Variants in CLEC16A observed in about 807,000 individuals in gnomAD.
CLEC16A encodes the protein protein CLEC16A.
CLEC16A carries 51 observed loss-of-function variants against 109.5 expected under a neutral mutation model. That is an observed-to-expected ratio of 0.47 (90% CI 0.37 to 0.59). The LOEUF is 0.59. Among genes scored for constraint, CLEC16A ranks in the 20% least tolerant of loss-of-function variants. The pLI, the probability that CLEC16A is intolerant of heterozygous loss-of-function variation, is 0.00. For synonymous variants in CLEC16A, 673 were observed against 564.2 expected (o/e 1.19, Z -2.73); for missense variants, 1,339 against 1,394.0 (o/e 0.96, Z 0.63).
intron 13 of CLEC16A, among the ~76,000 whole-genome samples, chr16:11,026,075 A>C (rs2046388809): frequency 1.3e-5 from 2 of 152,244 alleles, no homozygotes; most frequent in South Asian, 4.1e-4. Flanking sequence ...ATGTGTGAGC[A>C]AATCATAGAT....
chr16:11,038,555 A>G (rs1048693753), intron 13 of CLEC16A, among the ~76,000 whole-genome samples: 2 of 152,154 alleles, frequency 1.3e-5, no homozygotes, highest in African/African-American at 2.4e-5. Flanking sequence ...CTTTAGGAGA[A>G]ATGACAACAG....
chr16:11,034,648 A>G (rs781580257), intron 13 of CLEC16A, among the ~76,000 whole-genome samples: 10 of 152,132 alleles, frequency 6.6e-5, no homozygotes, highest in Non-Finnish European at 1.2e-4. Context: ...TCTGACCCCT[A>G]AGGCAGGGCT....
At chr16:11,120,530 G>A in intron 19 of CLEC16A, 85 bp from the exon 20 acceptor site, 1 of 1,418,006 alleles carries the variant, frequency 7.1e-7, no homozygotes, top group Non-Finnish European at 9.5e-7. Flanking sequence ...CTCTGCTCCT[G>A]ATAGAATGAG....
chr16:11,140,936 C>T (rs2053796193), intron 22 of CLEC16A, among the ~76,000 whole-genome samples: 1 of 152,212 alleles, frequency 6.6e-6, no homozygotes, highest in South Asian at 2.1e-4. Context: ...ATAGGACCTG[C>T]CTCACACAGC....
At chr16:11,089,777 C>A (rs551043599) in intron 19 of CLEC16A, among the ~76,000 whole-genome samples, 1 of 152,328 alleles carries the variant, frequency 6.6e-6, no homozygotes, top group Non-Finnish European at 1.5e-5. Context: ...GATAGGGCAG[C>A]CTACTGAGGG....
At chr16:11,007,832 G>C (rs1284201420) in intron 11 of CLEC16A, among the ~76,000 whole-genome samples, 1 of 151,978 alleles carries the variant, frequency 6.6e-6, no homozygotes, top group Non-Finnish European at 1.5e-5. Flanking sequence ...GTGTAATGGT[G>C]GGAAGAGAGG....
At chr16:11,018,627 T>C (rs1254347936) in intron 11 of CLEC16A, among the ~76,000 whole-genome samples, 1 of 151,836 alleles carries the variant, frequency 6.6e-6, no homozygotes, top group African/African-American at 2.4e-5. Context: ...CGGGTGCCTG[T>C]AGTCCCAGCT....
At chr16:10,989,319 C>A (rs56216305) in intron 10 of CLEC16A, among the ~76,000 whole-genome samples, 2 of 151,926 alleles carry the variant, frequency 1.3e-5, no homozygotes, top group Non-Finnish European at 2.9e-5. Flanking sequence ...CTCCCCAGGT[C>A]AAACGATCCT....
At chr16:11,003,608 A>C (rs1172300768) in intron 11 of CLEC16A, among the ~76,000 whole-genome samples, 1 of 152,232 alleles carries the variant, frequency 6.6e-6, no homozygotes, top group Non-Finnish European at 1.5e-5. Context: ...GTGTTCATAC[A>C]AGAATTAAAT....
intron 22 of CLEC16A, among the ~76,000 whole-genome samples, chr16:11,155,017 G>A (rs1477804336): frequency 6.6e-6 from 1 of 152,112 alleles, no homozygotes; most frequent in African/African-American, 2.4e-5. Context: ...CAGCTACACG[G>A]GAGGCTGAGG....
intron 13 of CLEC16A, chr16:11,027,752 C>T (rs1346104224): frequency 3.0e-5 from 44 of 1,468,738 alleles, no homozygotes; most frequent in African/African-American, 4.1e-5. Context: ...AGCTCATCCG[C>T]CAGCTGAACT....
At chr16:11,038,459 TAAG>T (rs929948269) in intron 13 of CLEC16A, among the ~76,000 whole-genome samples, 14 of 152,186 alleles carry the variant, frequency 9.2e-5, no homozygotes, top group Non-Finnish European at 1.5e-4. Flanking sequence ...GTTGAGCAGA[TAAG>T]GAGTTTGAAG....
At position 11,122,896 on chromosome 16, in the gene CLEC16A, C is replaced by CTTTTTTTTTTTTT. The variant is rs1002354410; in HGVS notation, c.2269-833_2269-821dup. Reference sequence around the variant, plus strand: ...GCTCAATGACCTTCCCTATCCCTTTCTTTTTTTTTTTTTTTTTTTTTTTTT... The same window carrying CTTTTTTTTTTTTT: ...GCTCAATGACCTTCCCTATCCCTTTCTTTTTTTTTTTTTTTTTTTTTTTTTTTTTTTTTTTTTT... On this transcript the variant is annotated intron_variant, in intron 20 of 23. Coordinates refer to ENST00000409790, the MANE Select transcript of CLEC16A (RefSeq NM_015226.3). Among the ~76,000 whole-genome samples the CTTTTTTTTTTTTT allele has an allele frequency of 1.4e-4, 10 of 73,796 alleles. 1 individual carries two copies. Among genetic ancestry groups the CTTTTTTTTTTTTT allele is most frequent in the Admixed American group, 4.0e-4 (2 of 4,992 alleles). The allele number at this position is 73,796 out of a possible 152,430, so 48.4% of individuals were successfully genotyped here.
At chr16:11,123,068 T>C (rs2052551751) in intron 20 of CLEC16A, among the ~76,000 whole-genome samples, 1 of 152,020 alleles carries the variant, frequency 6.6e-6, no homozygotes, top group Non-Finnish European at 1.5e-5. Context: ...CATGCTTGGC[T>C]AATTTTTGTG....
At chr16:11,010,092 A>G (rs1013308169) in intron 11 of CLEC16A, among the ~76,000 whole-genome samples, 10 of 152,146 alleles carry the variant, frequency 6.6e-5, no homozygotes, top group African/African-American at 1.2e-4. Flanking sequence ...GGTTGAAGCT[A>G]CAGTGAACTG....
chr16:11,039,915 A>G, intron 14 of CLEC16A, 39 bp downstream of exon 14: 6 of 1,600,306 alleles, frequency 3.7e-6, no homozygotes, highest in Non-Finnish European at 5.1e-6. Flanking sequence ...AGGGCCACGC[A>G]GTTGTAGGAA....
intron 1 of CLEC16A, 70 bp downstream of exon 1, chr16:10,944,867 G>T: frequency 5.6e-6 from 8 of 1,434,826 alleles, no homozygotes; most frequent in Non-Finnish European, 7.7e-6. Flanking sequence ...CTCCGGGTCG[G>T]GGCTCTAGGA....
chr16:11,008,085 C>T (rs556461916), intron 11 of CLEC16A, among the ~76,000 whole-genome samples: 1 of 152,174 alleles, frequency 6.6e-6, no homozygotes, highest in Non-Finnish European at 1.5e-5. Flanking sequence ...CACTCTCGGT[C>T]GTTGTCAGGG....
chr16:11,109,977 A>G (rs961747609), intron 19 of CLEC16A, among the ~76,000 whole-genome samples: 1 of 152,232 alleles, frequency 6.6e-6, no homozygotes, highest in African/African-American at 2.4e-5. Context: ...GGAGCCACCA[A>G]TGCTAAGAAT....
Sources: gnomAD v4.1 joint callset for allele counts (sites outside exome capture counted in the v4.1 genomes callset) on GRCh38, gnomAD v4.1.1 for gene constraint, MANE v1.5 for transcripts, NCBI Gene and HGNC (gene_info 2026-07-23, HGNC 2026-07-21) for gene names.